DCAF17: variants seen among roughly 807,000 people sequenced by gnomAD.
The protein encoded by DCAF17 is DDB1- and CUL4-associated factor 17.
DCAF17 carries 48 observed loss-of-function variants against 66.0 expected under a neutral mutation model. The ratio of observed to expected loss-of-function variants is 0.73; its 90% CI spans 0.58 to 0.92. The LOEUF is 0.92. DCAF17 is among the 40% of genes least tolerant of loss of function. The probability of loss-of-function intolerance (pLI) is 0.00; values close to 1 mark genes in which losing one functional copy is unlikely to be tolerated. For missense variants in DCAF17, 562 were observed against 622.8 expected, an observed-to-expected ratio of 0.90 and a Z score of 1.04; for synonymous variants, 206 against 214.6, an observed-to-expected ratio of 0.96 and a Z score of 0.35.
rs980946168 is a variant in DCAF17 at position 171,481,696 on chromosome 2, A to G, written c.*582A>G. ...GTATATAGTATCAGGAATTGGTTCTAGTTCCCAAATTATCTTTTCTTCCTT... is the reference window on the plus strand; with the variant it reads ...GTATATAGTATCAGGAATTGGTTCTGGTTCCCAAATTATCTTTTCTTCCTT... On this transcript the variant is annotated 3_prime_UTR_variant, in exon 14 of 14. Transcript: ENST00000375255. 12 of 453,590 alleles carry G rather than the reference A, an allele frequency of 2.6e-5. No individual in the cohort carries two copies. The highest frequency in any genetic ancestry group is 1.4e-4 in the African/African-American group (7 of 49,966). The allele number at this position is 453,590 out of a possible 1,614,324, so 28.1% of individuals were successfully genotyped here. A position where few individuals can be genotyped will look rare whatever the true frequency, so the allele number is the denominator to read the frequency against.
chr2:171,472,727 T>C (rs1016306500), intron 9 of DCAF17: 19 of 164,258 alleles, frequency 1.2e-4, no homozygotes, highest in African/African-American at 4.6e-4. Flanking sequence ...GGATTATGTT[T>C]AATTGATGTG....
chr2:171,443,704 T>A lies in DCAF17; in HGVS notation c.321+91T>A. 9 of 991,018 alleles carry A rather than the reference T, an allele frequency of 9.1e-6. No homozygotes were observed. The South Asian group carries it at 1.2e-4, about 13-fold the overall frequency. 61.4% of individuals were successfully genotyped at this position (991,018 alleles called of 1,614,324 possible). ...AACATATTGCATAAAATAATACAAC[T>A]TAAATATCATAGTGACTCTTGCATC... On this transcript the variant is annotated intron_variant, in intron 3 of 13. Coordinates refer to ENST00000375255, the MANE Select transcript of DCAF17 (RefSeq NM_025000.4).
chr2:171,434,788 T>C, intron 1 of DCAF17, 85 bp downstream of exon 1: 2 of 1,388,858 alleles, frequency 1.4e-6, no homozygotes, highest in South Asian at 3.3e-5. Context: ...TTTAACGCGC[T>C]GGGGCCTCCC....
intron 5 of DCAF17, 176 bp downstream of exon 5, chr2:171,450,133 TG>T (rs1694864004): frequency 3.5e-6 from 2 of 565,336 alleles, no homozygotes; most frequent in Non-Finnish European, 6.4e-6. Context: ...AACTAAGAAA[TG>T]GAAAACCAGA....
intron 4 of DCAF17, among the ~76,000 whole-genome samples, chr2:171,449,086 G>A (rs1044637191): frequency 4.0e-5 from 6 of 151,658 alleles, no homozygotes; most frequent in African/African-American, 1.5e-4. Flanking sequence ...TCTGCTTACT[G>A]CAACCTCCAC....
Position 171,481,121 on chromosome 2 carries a change from T to A in DCAF17, c.*7T>A. 1 of 1,612,386 alleles carries A rather than the reference T, an allele frequency of 6.2e-7. No individual in the cohort carries two copies. Among genetic ancestry groups the A allele is most frequent in the East Asian group, 2.2e-5 (1 of 44,816 alleles). ...CATAAACAGAAGCTGTTAAAAAGAG[T>A]GAGATAATTGTAACCTAAGAGACTT... is the stretch of plus-strand genomic sequence containing the variant. On this transcript the variant is annotated 3_prime_UTR_variant, in exon 14 of 14. Coordinates refer to ENST00000375255, the MANE Select transcript of DCAF17 (RefSeq NM_025000.4).
chr2:171,475,851 A>G lies in DCAF17; in HGVS notation c.1092-1009A>G, dbSNP rs553054579. Among the ~76,000 whole-genome samples the G allele has an allele frequency of 2.6e-5, 4 of 152,334 alleles. No individual in the cohort carries two copies. The South Asian group carries it at 6.2e-4, about 24-fold the overall frequency. On this transcript the variant is annotated intron_variant, in intron 10 of 13. Coordinates refer to ENST00000375255, the MANE Select transcript of DCAF17 (RefSeq NM_025000.4). ...GTCTACCTCTCTGGATCTATTTAAT[A>G]TAAGGAAGATGAAAGGATTTAATGA...
chr2:171,479,355 T>G (rs1268852331), intron 12 of DCAF17, among the ~76,000 whole-genome samples: 1 of 152,170 alleles, frequency 6.6e-6, no homozygotes. Context: ...TGATCTGCTT[T>G]CCGTGCAAGG....
chr2:171,460,649 G>T (rs1031156316), intron 8 of DCAF17, among the ~76,000 whole-genome samples: 2 of 151,936 alleles, frequency 1.3e-5, no homozygotes, highest in Non-Finnish European at 2.9e-5. Flanking sequence ...TCCTACATTA[G>T]CCTCCCAAGT....
At chr2:171,461,685 A>T (rs1695594742) in intron 8 of DCAF17, among the ~76,000 whole-genome samples, 1 of 152,180 alleles carries the variant, frequency 6.6e-6, no homozygotes, top group Non-Finnish European at 1.5e-5. Flanking sequence ...TGTAATTAAA[A>T]TGCACCCATT....
rs1696521621 is a variant in DCAF17 at position 171,476,857 on chromosome 2, C to T, written c.1092-3C>T. ...GTTCTCAGAATCCTTTTTCCCTTCTCAGAGTTTTGAAGCTAACTGAAATAG... is the reference window on the plus strand; with the variant it reads ...GTTCTCAGAATCCTTTTTCCCTTCTTAGAGTTTTGAAGCTAACTGAAATAG... On this transcript the variant is annotated splice_region_variant and splice_polypyrimidine_tract_variant and intron_variant, in intron 10 of 13. Transcript: ENST00000375255. 6.2e-7 allele frequency: 1 copy of T among 1,610,888 alleles called. No homozygotes were observed. Among genetic ancestry groups the T allele is most frequent in the Non-Finnish European group, 8.5e-7 (1 of 1,177,332 alleles).
intron 5 of DCAF17, 22 bp downstream of exon 5, chr2:171,449,979 A>G: frequency 1.9e-6 from 3 of 1,584,918 alleles, no homozygotes; most frequent in South Asian, 2.2e-5. Context: ...TAAACATTCA[A>G]TAAAATGAAG....
chr2:171,435,247 G>A lies in DCAF17; in HGVS notation c.230+61G>A. 3 of 1,292,372 alleles carry A rather than the reference G, an allele frequency of 2.3e-6. No individual in the cohort carries two copies. In the South Asian group the frequency reaches 3.6e-5, roughly 16 times the overall value. The allele number at this position is 1,292,372 out of a possible 1,614,324, so 80.1% of individuals were successfully genotyped here. On this transcript the variant is annotated intron_variant, in intron 2 of 13. Transcript: ENST00000375255. ...TCACTGTTGATCTTAACTATAATTT[G>A]TATAGAACCACATGCCTACATTAGT...
Position 171,483,961 on chromosome 2 carries a change from A to G in DCAF17, c.*2847A>G, listed in dbSNP as rs1421605471. 6 of 453,968 alleles carry G rather than the reference A, an allele frequency of 1.3e-5. No homozygotes were observed. Among genetic ancestry groups the G allele is most frequent in the Non-Finnish European group, 2.2e-5 (5 of 226,798 alleles). 28.1% of individuals were successfully genotyped at this position (453,968 alleles called of 1,614,324 possible). A position where few individuals can be genotyped will look rare whatever the true frequency, so the allele number is the denominator to read the frequency against. ...ATCCCAATTTAGCATACCAACAACTATAATACTAGATATGTAGGAAAGTGC... is the reference window on the plus strand; with the variant it reads ...ATCCCAATTTAGCATACCAACAACTGTAATACTAGATATGTAGGAAAGTGC... On this transcript the variant is annotated 3_prime_UTR_variant, in exon 14 of 14. Transcript: ENST00000375255.
intron 2 of DCAF17, among the ~76,000 whole-genome samples, chr2:171,437,063 C>T (rs563672232): frequency 1.6e-4 from 24 of 152,112 alleles, no homozygotes; most frequent in East Asian, 1.2e-3. Flanking sequence ...CATGAGCCAC[C>T]GCGTCCAGCC....
chr2:171,480,021 A>G lies in DCAF17; in HGVS notation c.1267-17A>G. 4 of 1,612,490 alleles carry G rather than the reference A, an allele frequency of 2.5e-6. No individual in the cohort carries two copies. Among genetic ancestry groups the G allele is most frequent in the Middle Eastern group, 1.8e-4 (1 of 5,492 alleles). On this transcript the variant is annotated splice_polypyrimidine_tract_variant and intron_variant, in intron 12 of 13. Coordinates refer to ENST00000375255, the MANE Select transcript of DCAF17 (RefSeq NM_025000.4). The stretch of plus-strand genomic sequence containing the variant: ...GATTTTGCCCCTTTCCCTCTATTTT[A>G]TCTATCTATCCCAAAGACTTTCAAA...
chr2:171,455,181 T>G (rs1695186366), intron 6 of DCAF17, among the ~76,000 whole-genome samples: 1 of 146,112 alleles, frequency 6.8e-6, no homozygotes, highest in African/African-American at 2.5e-5. Context: ...GTTGTTCCCC[T>G]CTATGTGTCC....
At chr2:171,474,648 C>A (rs1420022914) in intron 10 of DCAF17, among the ~76,000 whole-genome samples, 1 of 152,176 alleles carries the variant, frequency 6.6e-6, no homozygotes. Flanking sequence ...CCAGCCTCAA[C>A]CTCTCATCTA....
intron 9 of DCAF17, among the ~76,000 whole-genome samples, chr2:171,473,352 C>T (rs1196634203): frequency 6.6e-6 from 1 of 152,108 alleles, no homozygotes; most frequent in Non-Finnish European, 1.5e-5. Context: ...CGCATGTAGT[C>T]CTAGCACTTT....
Sources: allele counts gnomAD v4.1 joint callset (sites outside exome capture counted in the v4.1 genomes callset), GRCh38; gene constraint gnomAD v4.1.1; transcripts MANE v1.5; gene names NCBI Gene and HGNC (gene_info 2026-07-23, HGNC 2026-07-21).